SEPSECS: variants seen among roughly 807,000 people sequenced by gnomAD.
SEPSECS encodes Sep (O-phosphoserine) tRNA:Sec (selenocysteine) tRNA synthase.
Under a neutral mutation model 52.1 loss-of-function variants are expected in SEPSECS, and 42 were observed. The observed-to-expected ratio is 0.81, with a 90% CI of 0.63 to 1.04. SEPSECS has a LOEUF of 1.04. Ranked by LOEUF, SEPSECS falls within the 50% of genes least tolerant of loss-of-function variation. The pLI is 0.00. For synonymous variants in SEPSECS, 216 were observed against 211.4 expected (o/e 1.02, Z -0.19); for missense variants, 590 against 610.6 (o/e 0.97, Z 0.36).
chr4:25,127,321 ACTT>A lies in SEPSECS; in HGVS notation c.1060_1062del (p.Lys354del), dbSNP rs758509325. On this transcript the variant is annotated inframe_deletion, in exon 9 of 11. Transcript: ENST00000382103. ...AGTCTTTCATTGTAGGCTTCTGACA[ACTT>A]CTTTATTTGGTTGGACAAATATGAA... The A allele has an allele frequency of 9.3e-6, 15 of 1,613,342 alleles. No homozygotes were observed. The South Asian group carries it at 1.1e-4, about 12-fold the overall frequency.
chr4:25,136,003 T>A (rs1478385405), intron 8 of SEPSECS, among the ~76,000 whole-genome samples: 1 of 152,156 alleles, frequency 6.6e-6, no homozygotes, highest in African/African-American at 2.4e-5. Context: ...AAATTCAACA[T>A]TCCTTCATGT....
At chr4:25,159,711 G>A (rs1163660703) in intron 1 of SEPSECS, 2 of 711,818 alleles carry the variant, frequency 2.8e-6, no homozygotes, top group Non-Finnish European at 1.9e-6. Flanking sequence ...GGCGGAGGCT[G>A]CAGTGAGCCG....
chr4:25,156,240 C>A, intron 3 of SEPSECS, 45 bp from the exon 4 acceptor site: 2 of 1,525,062 alleles, frequency 1.3e-6, no homozygotes, highest in Non-Finnish European at 9.1e-7. Flanking sequence ...CCGCTAAGCA[C>A]CCAGCATCCT....
chr4:25,127,427 T>C lies in SEPSECS; in HGVS notation c.1027-70A>G, dbSNP rs116182486. On this transcript the variant is annotated intron_variant, in intron 8 of 10. Transcript: ENST00000382103. ...TGCCAGATTTAATAAGACAAAAATC[T>C]GATTGGTATGAAGTCTACATTTTAA... The C allele has an allele frequency of 9.8e-6, 11 of 1,117,008 alleles. No individual in the cohort carries two copies. The African/African-American group carries it at 1.5e-4, about 16-fold the overall frequency. The allele number at this position is 1,117,008 out of a possible 1,614,324, so 69.2% of individuals were successfully genotyped here.
At chr4:25,150,392 G>A (rs73252527) in intron 6 of SEPSECS, among the ~76,000 whole-genome samples, 14,271 of 152,128 alleles carry the variant, frequency 0.094, 853 homozygotes, top group South Asian at 0.2. Flanking sequence ...TGTCCATTAC[G>A]TACCAGATAT....
intron 8 of SEPSECS, among the ~76,000 whole-genome samples, chr4:25,140,727 A>G (rs1729027522): frequency 6.6e-6 from 1 of 152,164 alleles, no homozygotes; most frequent in Non-Finnish European, 1.5e-5. Context: ...CTTTGCATGG[A>G]AAGACTATGT....
At chr4:25,147,956 A>G (rs1712065704) in intron 6 of SEPSECS, among the ~76,000 whole-genome samples, 1 of 152,160 alleles carries the variant, frequency 6.6e-6, no homozygotes, top group South Asian at 2.1e-4. Flanking sequence ...TAGCTACAGG[A>G]CCTTAGGGAA....
At chr4:25,127,198 G>T in intron 9 of SEPSECS, 66 bp downstream of exon 9, 1 of 945,002 alleles carries the variant, frequency 1.1e-6, no homozygotes, top group Non-Finnish European at 1.7e-6. Context: ...TCTCCTTCTA[G>T]AAGTATCAGC....
intron 8 of SEPSECS, among the ~76,000 whole-genome samples, chr4:25,130,915 C>T (rs1728580673): frequency 6.6e-6 from 1 of 152,076 alleles, no homozygotes; most frequent in African/African-American, 2.4e-5. Context: ...AATTTATAAG[C>T]AACCCAAGCA....
chr4:25,152,095 C>T, intron 5 of SEPSECS, 33 bp from the exon 6 acceptor site: 1 of 1,211,880 alleles, frequency 8.3e-7, no homozygotes, highest in Non-Finnish European at 1.2e-6. Context: ...GAAAGACATA[C>T]TCACACTGTG....
Position 25,158,972 on chromosome 4 carries a change from C to T in SEPSECS, c.250G>A (p.Val84Ile). 6.2e-7 allele frequency: 1 copy of T among 1,613,916 alleles called. No homozygotes were observed. The highest frequency in any genetic ancestry group is 1.1e-5 in the South Asian group (1 of 91,078). ...AGATACCTGTAATGACGACGAGCAA[C>T]CAGTGCGGATGCCACTCTCCCTTCC... ...EREGRVASAL[V>I]ARRHYRFIHG... Residue 84 changes from valine (V) to isoleucine (I), a missense_variant, in exon 2 of 11, where the codon GTT (valine) becomes ATT (isoleucine). Val to Ile is a conservative substitution (Grantham distance 29). Transcript: ENST00000382103.
At chr4:25,133,531 GA>G (rs1728700961) in intron 8 of SEPSECS, among the ~76,000 whole-genome samples, 1 of 152,186 alleles carries the variant, frequency 6.6e-6, no homozygotes, top group Non-Finnish European at 1.5e-5. Context: ...TGGGCCTTTG[GA>G]ATCAATCATC....
intron 8 of SEPSECS, among the ~76,000 whole-genome samples, chr4:25,138,111 T>C (rs759572700): frequency 3.1e-4 from 47 of 152,258 alleles, no homozygotes; most frequent in Non-Finnish European, 5.0e-4. Flanking sequence ...TAATGCGTGC[T>C]GGGCTTAATA....
At chr4:25,136,166 C>T (rs113035709) in intron 8 of SEPSECS, among the ~76,000 whole-genome samples, 11 of 152,254 alleles carry the variant, frequency 7.2e-5, no homozygotes, top group African/African-American at 2.6e-4. Flanking sequence ...CCCTCTCTCA[C>T]CACTCTTATT....
At chr4:25,160,010 A>G (rs1488295980) in intron 1 of SEPSECS, 1 of 985,306 alleles carries the variant, frequency 1.0e-6, no homozygotes, top group African/African-American at 1.7e-5. Flanking sequence ...GAAGTTAGAA[A>G]CAGCGGGACT....
At chr4:25,134,521 G>A (rs1427677867) in intron 8 of SEPSECS, among the ~76,000 whole-genome samples, 1 of 152,110 alleles carries the variant, frequency 6.6e-6, no homozygotes, top group Non-Finnish European at 1.5e-5. Flanking sequence ...GCTAAGAATA[G>A]AGGGATGGAT....
chr4:25,124,299 T>G, intron 10 of SEPSECS, 74 bp from the exon 11 acceptor site: 2 of 1,421,726 alleles, frequency 1.4e-6, no homozygotes, highest in East Asian at 2.4e-5. Flanking sequence ...ACAAAAGATA[T>G]GTGTTACAAA....
At position 25,127,440 on chromosome 4, in the gene SEPSECS, G is replaced by A. The variant is rs897022764; in HGVS notation, c.1027-83C>T. On this transcript the variant is annotated intron_variant, in intron 8 of 10. Transcript: ENST00000382103. ...AAGACAAAAATCTGATTGGTATGAAGTCTACATTTTAAATTAACTCATCCA... is the reference window on the plus strand; with the variant it reads ...AAGACAAAAATCTGATTGGTATGAAATCTACATTTTAAATTAACTCATCCA... 20 of 1,005,850 alleles carry A rather than the reference G, an allele frequency of 2.0e-5. No individual in the cohort carries two copies. In the East Asian group the frequency reaches 4.7e-4, roughly 24 times the overall value. 62.3% of individuals were successfully genotyped at this position (1,005,850 alleles called of 1,614,324 possible).
At position 25,124,174 on chromosome 4, in the gene SEPSECS, G is replaced by A. The variant is rs111593075; in HGVS notation, c.1263C>T (p.Gly421=). 42 of 1,613,616 alleles carry A rather than the reference G, an allele frequency of 2.6e-5. 1 individual carries two copies. In the African/African-American group the frequency reaches 3.1e-4, roughly 12 times the overall value. The change falls in exon 11 of 11, where the codon GGC becomes GGT. Residue 421 remains glycine (G), a synonymous_variant. Coordinates refer to ENST00000382103, the MANE Select transcript of SEPSECS (RefSeq NM_016955.4). The part of the protein sequence containing the change: ...MQTVSGYTFR[G]FMSHTNNYPC... Reference sequence around the variant, plus strand: ...GGTAATTATTTGTATGTGACATAAAGCCTCTGAAAGTATAGCCACTCACAG... The same window carrying A: ...GGTAATTATTTGTATGTGACATAAAACCTCTGAAAGTATAGCCACTCACAG...
Sources: allele counts gnomAD v4.1 joint callset (sites outside exome capture counted in the v4.1 genomes callset), GRCh38; gene constraint gnomAD v4.1.1; transcripts MANE v1.5; gene names NCBI Gene and HGNC (gene_info 2026-07-23, HGNC 2026-07-21).